The following RNF216 variants were observed in gnomAD, a reference collection of about 807,000 sequenced individuals.
RNF216 encodes ring finger protein 216.
In RNF216, 72 loss-of-function variants were observed where a neutral mutation model predicts 110.8. The ratio of observed to expected loss-of-function variants is 0.65; its 90% CI spans 0.54 to 0.79. The LOEUF (loss-of-function observed/expected upper bound fraction) is 0.79. Among genes scored for constraint, RNF216 ranks in the 30% least tolerant of loss-of-function variants. The pLI, the probability that RNF216 is intolerant of heterozygous loss-of-function variation, is 0.00. For synonymous variants in RNF216, 495 were observed against 407.5 expected (o/e 1.21, Z -2.59); for missense variants, 1,342 against 1,141.2 (o/e 1.18, Z -2.54).
chr7:5,729,227 GA>G (rs1401677355), intron 7 of RNF216, among the ~76,000 whole-genome samples: 1 of 152,174 alleles, frequency 6.6e-6, no homozygotes, highest in Non-Finnish European at 1.5e-5. Flanking sequence ...GGTCAAAGCA[GA>G]ACTTCTCTGC....
chr7:5,748,856 T>G (rs1795183145), intron 3 of RNF216, among the ~76,000 whole-genome samples: 1 of 152,170 alleles, frequency 6.6e-6, no homozygotes, highest in African/African-American at 2.4e-5. Flanking sequence ...ACCATGTTGT[T>G]CAAGTGTAAA....
intron 15 of RNF216, among the ~76,000 whole-genome samples, chr7:5,631,204 T>A (rs1199376239): frequency 6.6e-6 from 1 of 152,140 alleles, no homozygotes; most frequent in African/African-American, 2.4e-5. Flanking sequence ...TTGGAAATTT[T>A]TAGGGAACAA....
At chr7:5,764,174 CAA>C (rs1029528435) in intron 1 of RNF216, among the ~76,000 whole-genome samples, 8 of 137,422 alleles carry the variant, frequency 5.8e-5, no homozygotes, top group African/African-American at 1.9e-4. Flanking sequence ...GGTTGGGAGA[CAA>C]GAGCAAAACT....
chr7:5,737,419 G>C (rs1794485617), intron 5 of RNF216, among the ~76,000 whole-genome samples: 1 of 152,058 alleles, frequency 6.6e-6, no homozygotes, highest in South Asian at 2.1e-4. Context: ...AGGAAAACCA[G>C]AGACCTTTGT....
intron 13 of RNF216, among the ~76,000 whole-genome samples, chr7:5,704,836 G>C (rs1792185888): frequency 6.6e-6 from 1 of 152,052 alleles, no homozygotes; most frequent in Non-Finnish European, 1.5e-5. Flanking sequence ...TTTCCATGAT[G>C]GGCCAAACAC....
At chr7:5,712,666 T>C in intron 12 of RNF216, 49 bp downstream of exon 12, 1 of 1,599,870 alleles carries the variant, frequency 6.3e-7, no homozygotes, top group Non-Finnish European at 8.5e-7. Context: ...CAGGTAGTTT[T>C]CACAATGGGG....
rs852438 is a variant in RNF216 at position 5,621,780 on chromosome 7, C to G, written c.*1080G>C. On this transcript the variant is annotated 3_prime_UTR_variant, in exon 17 of 17. Transcript: ENST00000389902. ...TGGGCCAGAGTGATGCCTCAGGCACCGCTAGAAACCCAGGGCCGGACAGGA... is the reference window on the plus strand; with the variant it reads ...TGGGCCAGAGTGATGCCTCAGGCACGGCTAGAAACCCAGGGCCGGACAGGA... 21,648 of 152,636 alleles carry G rather than the reference C, an allele frequency of 0.14. 3,373 individuals are homozygous for G. The highest frequency in any genetic ancestry group is 0.39 in the African/African-American group (16,142 of 41,494). The allele number at this position is 152,636 out of a possible 1,614,324, so 9.5% of individuals were successfully genotyped here.
chr7:5,639,549 C>T (rs931008474), intron 15 of RNF216, among the ~76,000 whole-genome samples: 10 of 150,568 alleles, frequency 6.6e-5, no homozygotes, highest in African/African-American at 2.2e-4. Flanking sequence ...CTGCAACCTC[C>T]GCCTCCTGGG....
At chr7:5,756,275 A>C (rs189398542) in intron 2 of RNF216, among the ~76,000 whole-genome samples, 27 of 152,296 alleles carry the variant, frequency 1.8e-4, no homozygotes, top group Admixed American at 1.6e-3. Flanking sequence ...ACTGTGAGTC[A>C]ATTAAACCTC....
intron 1 of RNF216, among the ~76,000 whole-genome samples, chr7:5,776,654 AG>A (rs1044762513): frequency 2.0e-5 from 3 of 151,090 alleles, no homozygotes; most frequent in Middle Eastern, 3.2e-3. Context: ...AAGGTTTCAC[AG>A]GAATAGCCAT....
At chr7:5,732,435 A>T (rs1012321483) in intron 5 of RNF216, among the ~76,000 whole-genome samples, 1 of 152,378 alleles carries the variant, frequency 6.6e-6, no homozygotes, top group East Asian at 1.9e-4. Flanking sequence ...ATGGAACAGT[A>T]GATATGATTT....
At chr7:5,727,238 C>G (rs902733212) in intron 7 of RNF216, among the ~76,000 whole-genome samples, 4 of 152,196 alleles carry the variant, frequency 2.6e-5, no homozygotes, top group Admixed American at 2.0e-4. Context: ...CTTTCTTCTT[C>G]CCCTCTTTGT....
intron 7 of RNF216, among the ~76,000 whole-genome samples, chr7:5,728,376 T>C (rs997495111): frequency 6.6e-6 from 1 of 152,034 alleles, no homozygotes; most frequent in African/African-American, 2.4e-5. Context: ...GGTCAGGAGT[T>C]GCTGACCAGC....
intron 5 of RNF216, among the ~76,000 whole-genome samples, chr7:5,734,721 G>A (rs145675936): frequency 6.6e-6 from 1 of 151,436 alleles, no homozygotes; most frequent in South Asian, 2.1e-4. Flanking sequence ...CTATTCGGGA[G>A]ACTGAGGCAG....
At chr7:5,732,624 T>C (rs897721646) in intron 5 of RNF216, among the ~76,000 whole-genome samples, 15 of 152,220 alleles carry the variant, frequency 9.9e-5, no homozygotes, top group African/African-American at 3.4e-4. Flanking sequence ...CTTCATTATG[T>C]TTACCAACAC....
intron 3 of RNF216, among the ~76,000 whole-genome samples, chr7:5,747,751 AAAAAAAAAAAAAAAAAAAAAAAAAGGGG>A (rs1326049184): frequency 1.7e-5 from 2 of 116,606 alleles, no homozygotes; most frequent in African/African-American, 7.9e-5. Context: ...CATCTCAAAA[AAAAAAAAAAAAAAAAAAAAAAAAAGGGG>A]AAAAAAAAAG....
At chr7:5,725,841 C>CAAAAAAA (rs756914396) in intron 7 of RNF216, among the ~76,000 whole-genome samples, 1 of 77,132 alleles carries the variant, frequency 1.3e-5, no homozygotes. Flanking sequence ...CCAGCCTGGG[C>CAAAAAAA]AAAAAAAAAA....
At chr7:5,648,987 A>T (rs1396150253) in intron 14 of RNF216, among the ~76,000 whole-genome samples, 1 of 152,226 alleles carries the variant, frequency 6.6e-6, no homozygotes, top group East Asian at 1.9e-4. Flanking sequence ...TAGTGGTCAT[A>T]AAGGTAAGTG....
At chr7:5,764,843 A>C (rs1056736261) in intron 1 of RNF216, among the ~76,000 whole-genome samples, 1 of 151,848 alleles carries the variant, frequency 6.6e-6, no homozygotes, top group East Asian at 1.9e-4. Context: ...AAAGCGGGAC[A>C]ATCACTGGAG....
Sources: allele counts gnomAD v4.1 joint callset (sites outside exome capture counted in the v4.1 genomes callset), GRCh38; gene constraint gnomAD v4.1.1; transcripts MANE v1.5; gene names NCBI Gene and HGNC (gene_info 2026-07-23, HGNC 2026-07-21).